The following ITGA8 variants were observed in gnomAD, a reference collection of about 807,000 sequenced individuals.
The protein encoded by ITGA8 is integrin alpha-8.
ITGA8 carries 91 observed loss-of-function variants against 142.3 expected under a neutral mutation model. That is an observed-to-expected ratio of 0.64 (90% CI 0.54 to 0.76). The LOEUF (loss-of-function observed/expected upper bound fraction) is 0.76. Among genes scored for constraint, ITGA8 ranks in the 30% least tolerant of loss-of-function variants. ITGA8 has a pLI of 0.00. For missense variants in ITGA8, 1,406 were observed against 1,327.7 expected (o/e 1.06, Z -0.92); for synonymous variants, 505 against 485.2 (o/e 1.04, Z -0.54).
chr10:15,639,260 T>C (rs1469500028), intron 13 of ITGA8, among the ~76,000 whole-genome samples: 2 of 151,972 alleles, frequency 1.3e-5, no homozygotes, highest in African/African-American at 4.8e-5. Context: ...TTGTAAAGAA[T>C]AAATGAAATG....
At chr10:15,642,052 CAGG>C (rs777504390) in intron 13 of ITGA8, among the ~76,000 whole-genome samples, 2 of 152,136 alleles carry the variant, frequency 1.3e-5, no homozygotes, top group Non-Finnish European at 2.9e-5. Context: ...CGCTTGAACC[CAGG>C]AGGTGGAAGT....
At chr10:15,523,288 A>T (rs936200144) in intron 28 of ITGA8, among the ~76,000 whole-genome samples, 4 of 152,248 alleles carry the variant, frequency 2.6e-5, no homozygotes, top group Non-Finnish European at 4.4e-5. Flanking sequence ...AGAGAAGATC[A>T]CTTACAAAGA....
chr10:15,705,960 G>A (rs1185020509), intron 2 of ITGA8, among the ~76,000 whole-genome samples: 1 of 152,064 alleles, frequency 6.6e-6, no homozygotes, highest in African/African-American at 2.4e-5. Flanking sequence ...CTGCTCTTGT[G>A]TCTTGGCCTC....
chr10:15,539,839 C>T (rs561630668), intron 27 of ITGA8, among the ~76,000 whole-genome samples: 30 of 152,204 alleles, frequency 2.0e-4, no homozygotes, highest in African/African-American at 5.5e-4. Flanking sequence ...CCAAATCTCA[C>T]CTTGAATTGT....
At chr10:15,542,168 G>T (rs917120920) in intron 27 of ITGA8, among the ~76,000 whole-genome samples, 25 of 152,102 alleles carry the variant, frequency 1.6e-4, no homozygotes, top group African/African-American at 6.0e-4. Flanking sequence ...CACAGTCCAG[G>T]TCTATAATCA....
At chr10:15,574,207 T>C (rs1037951108) in intron 24 of ITGA8, among the ~76,000 whole-genome samples, 20 of 152,220 alleles carry the variant, frequency 1.3e-4, no homozygotes, top group African/African-American at 4.8e-4. Context: ...ACTTAATGCC[T>C]GAAATGGGAA....
At chr10:15,640,841 G>T (rs907716154) in intron 13 of ITGA8, among the ~76,000 whole-genome samples, 3 of 152,172 alleles carry the variant, frequency 2.0e-5, no homozygotes, top group Non-Finnish European at 4.4e-5. Context: ...AGGACACAGG[G>T]AAATTTTGAG....
rs534714654 is a variant in ITGA8, at chr10:15,657,509, C to CT, written c.948+1489_948+1490insA. On this transcript the variant is annotated intron_variant, in intron 10 of 29. Coordinates refer to ENST00000378076, the MANE Select transcript of ITGA8 (RefSeq NM_003638.3). The stretch of plus-strand genomic sequence containing the variant: ...CTGCTGGTTTCTTTTTCTTTTCTTT[C>CT]ATTTTTTTTTTTTTTTTTTTTTAAC... Among the ~76,000 whole-genome samples the CT allele has an allele frequency of 1.2e-3, 137 of 116,514 alleles. 1 individual carries two copies. The highest frequency in any genetic ancestry group is 3.3e-3 in the African/African-American group (105 of 31,370). The allele number at this position is 116,514 out of a possible 152,430, so 76.4% of individuals were successfully genotyped here.
At chr10:15,649,957 C>A (rs577167223) in intron 11 of ITGA8, among the ~76,000 whole-genome samples, 1 of 152,292 alleles carries the variant, frequency 6.6e-6, no homozygotes, top group South Asian at 2.1e-4. Flanking sequence ...TACTCAAATG[C>A]ATTTAAAACA....
At chr10:15,680,185 C>T (rs544881481) in intron 4 of ITGA8, among the ~76,000 whole-genome samples, 1 of 142,850 alleles carries the variant, frequency 7.0e-6, no homozygotes, top group African/African-American at 2.6e-5. Context: ...CTAGTTTTAG[C>T]GCTGTCACCA....
chr10:15,648,586 T>G (rs929173528), intron 11 of ITGA8, among the ~76,000 whole-genome samples: 2 of 151,880 alleles, frequency 1.3e-5, no homozygotes, highest in Non-Finnish European at 2.9e-5. Flanking sequence ...AAATATATCT[T>G]ACTAACAGAT....
chr10:15,517,393 T>G, intron 29 of ITGA8, 149 bp from the exon 30 acceptor site: 1 of 482,178 alleles, frequency 2.1e-6, no homozygotes, highest in Non-Finnish European at 3.7e-6. Context: ...GGCGTGATCT[T>G]GGCTCACTGC....
chr10:15,715,900 G>A (rs1380399274), intron 2 of ITGA8, among the ~76,000 whole-genome samples: 1 of 152,216 alleles, frequency 6.6e-6, no homozygotes, highest in Non-Finnish European at 1.5e-5. Context: ...GGTATAGAGG[G>A]TGAGCAACCA....
At position 15,647,130 on chromosome 10, in the gene ITGA8, A is replaced by G. The variant is rs1245324662; in HGVS notation, c.1002-79T>C. The G allele has an allele frequency of 4.7e-6, 5 of 1,053,622 alleles. No individual in the cohort carries two copies. In the African/African-American group the frequency reaches 7.9e-5, roughly 17 times the overall value. The allele number at this position is 1,053,622 out of a possible 1,614,324, so 65.3% of individuals were successfully genotyped here. ...TGGGTTATTTGTAATCAACTAGACT[A>G]GTAAATTTCCATTGGTATTTTTCCT... On this transcript the variant is annotated intron_variant, in intron 11 of 29. Coordinates refer to ENST00000378076, the MANE Select transcript of ITGA8 (RefSeq NM_003638.3).
chr10:15,572,987 G>A (rs1834213255), intron 24 of ITGA8, among the ~76,000 whole-genome samples: 1 of 152,140 alleles, frequency 6.6e-6, no homozygotes, highest in Admixed American at 6.5e-5. Context: ...ATACTTGGAG[G>A]ACACAAAATT....
intron 13 of ITGA8, among the ~76,000 whole-genome samples, chr10:15,639,675 G>A (rs1409201980): frequency 6.6e-6 from 1 of 152,156 alleles, no homozygotes; most frequent in African/African-American, 2.4e-5. Context: ...CAGTCAGCAG[G>A]GAAACACTGC....
chr10:15,665,096 C>T (rs949021264), intron 8 of ITGA8, among the ~76,000 whole-genome samples: 24 of 152,168 alleles, frequency 1.6e-4, no homozygotes, highest in Admixed American at 1.1e-3. Flanking sequence ...GCCACACTGA[C>T]TTCCACAATG....
intron 13 of ITGA8, among the ~76,000 whole-genome samples, chr10:15,629,890 T>C (rs970062318): frequency 5.9e-5 from 9 of 152,082 alleles, no homozygotes; most frequent in African/African-American, 2.2e-4. Flanking sequence ...ATTGTGCCAC[T>C]GCACCCCAGT....
intron 15 of ITGA8, among the ~76,000 whole-genome samples, chr10:15,610,670 C>T (rs1429282802): frequency 6.6e-6 from 1 of 152,184 alleles, no homozygotes; most frequent in Admixed American, 6.5e-5. Flanking sequence ...TGCGTTGTGA[C>T]TGTGCTCACA....
Sources: allele counts gnomAD v4.1 joint callset (sites outside exome capture counted in the v4.1 genomes callset), GRCh38; gene constraint gnomAD v4.1.1; transcripts MANE v1.5; gene names NCBI Gene and HGNC (gene_info 2026-07-23, HGNC 2026-07-21).